The following MYO16 variants were observed in gnomAD, a reference collection of about 807,000 sequenced individuals.
The protein encoded by MYO16 is myosin XVI, also known as unconventional myosin-XVI.
MYO16 carries 94 observed loss-of-function variants against 205.3 expected under a neutral mutation model. The ratio of observed to expected loss-of-function variants is 0.46; its 90% CI spans 0.39 to 0.54. The LOEUF is 0.54. MYO16 is among the 20% of genes least tolerant of loss of function. The pLI, the probability that MYO16 is intolerant of heterozygous loss-of-function variation, is 0.00. For missense variants in MYO16, 2,315 were observed against 2,387.5 expected (o/e 0.97, Z 0.63); for synonymous variants, 988 against 954.0 (o/e 1.04, Z -0.66).
chr13:108,675,102 G>C (rs973893661), intron 2 of MYO16, among the ~76,000 whole-genome samples: 1 of 152,188 alleles, frequency 6.6e-6, no homozygotes, highest in African/African-American at 2.4e-5. Context: ...TAGCACAGGA[G>C]GGGAAGGATG....
chr13:108,952,181 A>C (rs1566429155), intron 16 of MYO16, among the ~76,000 whole-genome samples: 1 of 152,094 alleles, frequency 6.6e-6, no homozygotes, highest in Non-Finnish European at 1.5e-5. Flanking sequence ...AGTTGATATC[A>C]GTGTTATTAA....
At chr13:108,962,314 T>C (rs542247828) in intron 18 of MYO16, 110 bp from the exon 19 acceptor site, 1 of 753,862 alleles carries the variant, frequency 1.3e-6, no homozygotes, top group South Asian at 1.7e-5. Context: ...AAAATACTCA[T>C]GTTTTGTAAT....
At chr13:108,901,115 A>G (rs977714268) in intron 15 of MYO16, among the ~76,000 whole-genome samples, 2 of 152,234 alleles carry the variant, frequency 1.3e-5, no homozygotes, top group Non-Finnish European at 2.9e-5. Flanking sequence ...CTGTTTCCTG[A>G]TAAGATGTTA....
At chr13:108,821,548 C>A (rs534826569) in intron 8 of MYO16, among the ~76,000 whole-genome samples, 1 of 152,126 alleles carries the variant, frequency 6.6e-6, no homozygotes, top group Non-Finnish European at 1.5e-5. Context: ...AAGTCACATC[C>A]TCGGCTAACT....
intron 25 of MYO16, among the ~76,000 whole-genome samples, chr13:109,053,440 A>AT (rs1202803272): frequency 1.3e-5 from 2 of 151,974 alleles, no homozygotes; most frequent in Non-Finnish European, 2.9e-5. Context: ...CATTTTTTAC[A>AT]TTAAAAAAAA....
At chr13:108,861,201 A>G (rs1358060394) in intron 11 of MYO16, among the ~76,000 whole-genome samples, 3 of 152,172 alleles carry the variant, frequency 2.0e-5, no homozygotes, top group African/African-American at 7.2e-5. Flanking sequence ...TCCTCTCCCA[A>G]TCCACACTTA....
the MYO16 span, among the ~76,000 whole-genome samples, chr13:108,552,275 G>C: frequency 2.6e-5 from 4 of 152,208 alleles, no homozygotes; most frequent in African/African-American, 7.2e-5. Flanking sequence ...AATATGCTGA[G>C]TGTTACCAGT....
intron 29 of MYO16, among the ~76,000 whole-genome samples, chr13:109,124,086 A>T (rs1483965251): frequency 1.3e-5 from 2 of 152,172 alleles, no homozygotes; most frequent in Non-Finnish European, 2.9e-5. Flanking sequence ...AGAAGGCGTC[A>T]CTGTGCTGGC....
the MYO16 span, among the ~76,000 whole-genome samples, chr13:108,542,299 A>G: frequency 6.6e-6 from 1 of 152,050 alleles, no homozygotes; most frequent in Non-Finnish European, 1.5e-5. Flanking sequence ...AACAGAAAAA[A>G]CTGGGGCTTA....
At chr13:108,864,579 A>T (rs1032132473) in intron 11 of MYO16, among the ~76,000 whole-genome samples, 1 of 152,080 alleles carries the variant, frequency 6.6e-6, no homozygotes, top group Non-Finnish European at 1.5e-5. Flanking sequence ...CCCAGGCTGG[A>T]ATACATTGGT....
the MYO16 span, among the ~76,000 whole-genome samples, chr13:108,503,586 T>C: frequency 3.3e-5 from 5 of 152,136 alleles, no homozygotes; most frequent in Admixed American, 3.3e-4. Flanking sequence ...ACTGAAAGAA[T>C]TGCAAATGTG....
At chr13:109,023,738 CAT>C (rs1886246315) in intron 23 of MYO16, among the ~76,000 whole-genome samples, 1 of 56,970 alleles carries the variant, frequency 1.8e-5, no homozygotes, top group South Asian at 6.4e-4. Context: ...TGCATATATA[CAT>C]ATATACGTAT....
chr13:108,817,103 A>G (rs1875659025), intron 7 of MYO16, among the ~76,000 whole-genome samples: 1 of 152,150 alleles, frequency 6.6e-6, no homozygotes, highest in Non-Finnish European at 1.5e-5. Flanking sequence ...TAAAAAAAAA[A>G]TAGTAAAACC....
chr13:108,551,459 A>T, the MYO16 span, among the ~76,000 whole-genome samples: 2 of 152,130 alleles, frequency 1.3e-5, no homozygotes, highest in Non-Finnish European at 2.9e-5. Flanking sequence ...CCATTTCTTG[A>T]ACCTGTTTCC....
chr13:108,507,130 C>T, the MYO16 span, among the ~76,000 whole-genome samples: 19 of 152,100 alleles, frequency 1.2e-4, no homozygotes, highest in African/African-American at 4.1e-4. Flanking sequence ...AGCCATGTAT[C>T]CTTGACTTAA....
chr13:109,192,907 A>G (rs1879986026), intron 34 of MYO16, among the ~76,000 whole-genome samples: 1 of 152,166 alleles, frequency 6.6e-6, no homozygotes, highest in Non-Finnish European at 1.5e-5. Context: ...TTAATATTTT[A>G]TTGTTGCTGT....
At chr13:108,812,399 A>G (rs545101290) in intron 7 of MYO16, among the ~76,000 whole-genome samples, 8 of 152,320 alleles carry the variant, frequency 5.3e-5, no homozygotes, top group African/African-American at 1.7e-4. Context: ...CTAAGTTACT[A>G]TTTATTTAAT....
chr13:108,874,431 G>A (rs534253290), intron 12 of MYO16, among the ~76,000 whole-genome samples: 1 of 152,244 alleles, frequency 6.6e-6, no homozygotes, highest in African/African-American at 2.4e-5. Flanking sequence ...CCATTGTTTA[G>A]TGCTTATTAC....
At chr13:108,955,307 T>C (rs868739320) in intron 16 of MYO16, among the ~76,000 whole-genome samples, 5 of 151,802 alleles carry the variant, frequency 3.3e-5, no homozygotes, top group Admixed American at 6.6e-5. Context: ...TTTCTTGAAG[T>C]CTTTTATGTG....
Sources: gnomAD v4.1 joint callset for allele counts (sites outside exome capture counted in the v4.1 genomes callset) on GRCh38, gnomAD v4.1.1 for gene constraint, MANE v1.5 for transcripts, NCBI Gene and HGNC (gene_info 2026-07-23, HGNC 2026-07-21) for gene names.